MYH11: variants seen among roughly 807,000 people sequenced by gnomAD.
MYH11 encodes myosin-11.
Under a neutral mutation model 246.6 loss-of-function variants are expected in MYH11, and 80 were observed. That is an observed-to-expected ratio of 0.32 (90% CI 0.27 to 0.39). The LOEUF (loss-of-function observed/expected upper bound fraction) is 0.39, where lower values mean the gene tolerates loss of function less well. Among genes scored for constraint, MYH11 ranks in the 10% least tolerant of loss-of-function variants. The pLI, the probability that MYH11 is intolerant of heterozygous loss-of-function variation, is 1.00. For synonymous variants in MYH11, 1,071 were observed against 1,015.5 expected (o/e 1.05, Z -1.04); for missense variants, 2,158 against 2,546.8 (o/e 0.85, Z 3.29).
chr16:15,726,835 G>A lies in MYH11; in HGVS notation c.3858+13C>T, dbSNP rs375738696. 69 of 1,610,900 alleles carry A rather than the reference G, an allele frequency of 4.3e-5. No individual in the cohort carries two copies. The highest frequency in any genetic ancestry group is 3.3e-4 in the Middle Eastern group (2 of 6,082). On this transcript the variant is annotated intron_variant, in intron 28 of 40. Coordinates refer to ENST00000300036, the MANE Select transcript of MYH11 (RefSeq NM_002474.3). Reference sequence around the variant, plus strand: ...CCAGCACTGCCCACCACACCACCGCGCCACCTCCTCACCTGCAGCTTGTGG... The same window carrying A: ...CCAGCACTGCCCACCACACCACCGCACCACCTCCTCACCTGCAGCTTGTGG...
intron 3 of MYH11, among the ~76,000 whole-genome samples, chr16:15,807,414 C>T (rs996576411): frequency 3.9e-5 from 6 of 152,134 alleles, no homozygotes; most frequent in African/African-American, 9.7e-5. Context: ...GTGCTATAGA[C>T]GTCAGGTTTT....
intron 9 of MYH11, among the ~76,000 whole-genome samples, chr16:15,769,493 A>G (rs1412875500): frequency 6.6e-6 from 1 of 151,770 alleles, no homozygotes; most frequent in African/African-American, 2.4e-5. Flanking sequence ...GAGTGGTGTG[A>G]TCTCGGCTCA....
At chr16:15,787,976 A>T (rs1303946055) in intron 4 of MYH11, among the ~76,000 whole-genome samples, 1 of 152,034 alleles carries the variant, frequency 6.6e-6, no homozygotes, top group Non-Finnish European at 1.5e-5. Context: ...AACCCAGTTG[A>T]AGTAATTCAC....
intron 5 of MYH11, chr16:15,786,416 C>T (rs1171739185): frequency 1.3e-6 from 1 of 756,068 alleles, no homozygotes; most frequent in Admixed American, 1.7e-5. Flanking sequence ...AAAACGGGCC[C>T]CCTTCTGGAG....
intron 1 of MYH11, among the ~76,000 whole-genome samples, chr16:15,852,373 C>T (rs540917634): frequency 2.0e-4 from 26 of 127,546 alleles, no homozygotes; most frequent in Middle Eastern, 5.1e-3. Context: ...TCACTCTTTG[C>T]CCAGGCTGGA....
chr16:15,800,481 T>A (rs1023849912), intron 3 of MYH11, among the ~76,000 whole-genome samples: 4 of 132,278 alleles, frequency 3.0e-5, no homozygotes, highest in Non-Finnish European at 4.9e-5. Flanking sequence ...GATGGGTGGG[T>A]ATATAGCTGG....
chr16:15,718,662 G>A (rs979483755), intron 36 of MYH11: 2 of 621,394 alleles, frequency 3.2e-6, no homozygotes, highest in Non-Finnish European at 5.6e-6. Flanking sequence ...ATGGGGACCA[G>A]CACACTCCTC....
intron 24 of MYH11, among the ~76,000 whole-genome samples, chr16:15,737,896 A>C (rs1438759245): frequency 6.6e-6 from 1 of 151,962 alleles, no homozygotes; most frequent in Admixed American, 6.6e-5. Flanking sequence ...GGGTTCAAGC[A>C]ATTCTCCTGC....
intron 40 of MYH11, among the ~76,000 whole-genome samples, chr16:15,705,231 C>T (rs922360157): frequency 1.3e-5 from 2 of 152,226 alleles, no homozygotes; most frequent in African/African-American, 4.8e-5. Flanking sequence ...ATCCACCTGT[C>T]TTAGCCTCTC....
At chr16:15,722,742 C>T (rs1439559631) in intron 31 of MYH11, among the ~76,000 whole-genome samples, 1 of 152,084 alleles carries the variant, frequency 6.6e-6, no homozygotes, top group Non-Finnish European at 1.5e-5. Flanking sequence ...GTACAATCCT[C>T]ATTTTATTTA....
intron 2 of MYH11, among the ~76,000 whole-genome samples, chr16:15,837,246 C>A (rs1436240652): frequency 2.6e-5 from 4 of 152,142 alleles, no homozygotes; most frequent in Non-Finnish European, 5.9e-5. Context: ...ACCAGCCTTT[C>A]CAAAGTGGTT....
At chr16:15,758,963 C>CA (rs564088648) in intron 12 of MYH11, among the ~76,000 whole-genome samples, 10,323 of 97,092 alleles carry the variant, frequency 0.11, 1,057 homozygotes, top group African/African-American at 0.29. Context: ...GACTCTGTCT[C>CA]AAAAAAAAAA....
intron 40 of MYH11, among the ~76,000 whole-genome samples, chr16:15,707,046 A>C (rs1480553581): frequency 2.6e-5 from 4 of 151,962 alleles, no homozygotes; most frequent in Non-Finnish European, 5.9e-5. Context: ...GAGAATCTGG[A>C]ATTTTTTTTT....
rs763403240 is a variant in MYH11 at position 15,704,072 on chromosome 16, T to C, written c.5838A>G (p.Arg1946=). ...CAGAACCATCTGCATTTTCAATAAC[T>C]CTACGTCCTCCAGACCTTCTAGAAG... ...FVPSRRSGGR[R]VIENADGSEE... Residue 1946 remains arginine (R), a synonymous_variant, in exon 41 of 41, where the codon AGA becomes AGG. Coordinates refer to ENST00000300036, the MANE Select transcript of MYH11 (RefSeq NM_002474.3). 11 of 1,614,046 alleles carry C rather than the reference T, an allele frequency of 6.8e-6. No homozygotes were observed. The highest frequency in any genetic ancestry group is 9.3e-6 in the Non-Finnish European group (11 of 1,180,026).
intron 2 of MYH11, among the ~76,000 whole-genome samples, chr16:15,835,825 C>G (rs901725904): frequency 6.6e-6 from 1 of 150,472 alleles, no homozygotes; most frequent in Non-Finnish European, 1.5e-5. Context: ...ACAATCATAG[C>G]TCACTGCAGC....
chr16:15,817,842 T>C (rs2043300688), intron 3 of MYH11, among the ~76,000 whole-genome samples: 1 of 152,192 alleles, frequency 6.6e-6, no homozygotes, highest in Non-Finnish European at 1.5e-5. Flanking sequence ...AAGCCATCCC[T>C]GCCCCCTTCT....
At chr16:15,855,640 C>T (rs1485643150) in intron 1 of MYH11, among the ~76,000 whole-genome samples, 1 of 152,198 alleles carries the variant, frequency 6.6e-6, no homozygotes, top group Non-Finnish European at 1.5e-5. Flanking sequence ...GCATGTGGCA[C>T]TGAAGTGTTC....
intron 8 of MYH11, among the ~76,000 whole-genome samples, chr16:15,773,986 T>C (rs573677490): frequency 1.3e-5 from 2 of 152,258 alleles, no homozygotes; most frequent in South Asian, 4.1e-4. Flanking sequence ...ACATCAAGGA[T>C]CCTCTTCCAG....
chr16:15,741,663 C>T lies in MYH11; in HGVS notation c.2659G>A (p.Glu887Lys), dbSNP rs201387564. Residue 887 changes from glutamate (E) to lysine (K), a missense_variant, in exon 22 of 41, where the codon GAG becomes AAG. Glu to Lys is a moderately conservative substitution (Grantham distance 56, BLOSUM62 1). Coordinates refer to ENST00000300036, the MANE Select transcript of MYH11 (RefSeq NM_002474.3). ...ELEQKHSQLTEEKNLLQEQLQ... is the reference protein window; with the variant it reads ...ELEQKHSQLTKEKNLLQEQLQ... ...TGTTCCTGTAGCAGGTTCTTCTCCT[C>T]GGTCAGCTGCACGCAGGTGGTGGGG... 1.9e-5 allele frequency: 30 copies of T among 1,613,690 alleles called. No homozygotes were observed. Among genetic ancestry groups the T allele is most frequent in the East Asian group, 2.2e-5 (1 of 44,902 alleles).
Sources: gnomAD v4.1 joint callset for allele counts (sites outside exome capture counted in the v4.1 genomes callset) on GRCh38, gnomAD v4.1.1 for gene constraint, MANE v1.5 for transcripts, NCBI Gene and HGNC (gene_info 2026-07-23, HGNC 2026-07-21) for gene names.